Variants in CSF2RA observed in about 807,000 individuals in gnomAD.
The protein encoded by CSF2RA is colony stimulating factor 2 receptor subunit alpha, also known as granulocyte-macrophage colony-stimulating factor receptor subunit alpha.
Under a neutral mutation model 51.6 loss-of-function variants are expected in CSF2RA, and 42 were observed. That is an observed-to-expected ratio of 0.81 (90% CI 0.64 to 1.05). The LOEUF is 1.05. Ranked by LOEUF, CSF2RA falls within the 50% of genes least tolerant of loss-of-function variation. CSF2RA has a pLI of 0.00. For synonymous variants in CSF2RA, 222 were observed against 193.0 expected (o/e 1.15, Z -1.24); for missense variants, 530 against 501.1 (o/e 1.06, Z -0.55).
At chrX:1,312,411 A>G (rs1457009107), downstream of CSF2RA, among the ~76,000 whole-genome samples, 3 of 152,142 alleles carry the variant, frequency 2.0e-5, no homozygotes, top group African/African-American at 7.2e-5. Context: ...TCTGTCTCCC[A>G]CGTGGAATTA....
At chrX:1,316,077 T>TAGATAGATAGATAGATAGATAGAA in the CSF2RA span, among the ~76,000 whole-genome samples, 1 of 151,700 alleles carries the variant, frequency 6.6e-6, no homozygotes, top group Non-Finnish European at 1.5e-5. Context: ...GATAGATAGA[T>TAGATAGATAGATAGATAGATAGAA]AGAATAGATA....
At chrX:1,314,925 C>T (rs1372180160), downstream of CSF2RA, among the ~76,000 whole-genome samples, 12 of 93,310 alleles carry the variant, frequency 1.3e-4, no homozygotes, top group African/African-American at 3.5e-4. Context: ...ACCTGCCCAA[C>T]CGCACTGCAC....
intron 7 of CSF2RA, among the ~76,000 whole-genome samples, chrX:1,292,066 G>A (rs1418645552): frequency 6.9e-6 from 1 of 144,482 alleles, no homozygotes; most frequent in Non-Finnish European, 1.5e-5. Flanking sequence ...ACCTCCACTT[G>A]GACCCAGTGT....
Position 1,295,414 on chromosome X carries a change from G to C in CSF2RA, c.781-13G>C, listed in dbSNP as rs770445371. 1 of 1,613,490 alleles carries C rather than the reference G, an allele frequency of 6.2e-7. No individual in the cohort carries two copies. Among genetic ancestry groups the C allele is most frequent in the Non-Finnish European group, 8.5e-7 (1 of 1,179,566 alleles). ...AACAGTGAGCCTTGTGTTGTGTTTT[G>C]TTTTGTTTCTAGAATACCCAGCCTG... On this transcript the variant is annotated splice_polypyrimidine_tract_variant and intron_variant, in intron 8 of 12. Coordinates refer to ENST00000381529, the MANE Select transcript of CSF2RA (RefSeq NM_172245.4).
intron 11 of CSF2RA, 136 bp from the exon 12 acceptor site, chrX:1,305,310 T>A: frequency 1.0e-6 from 1 of 1,001,878 alleles, no homozygotes; most frequent in Non-Finnish European, 1.6e-6. Flanking sequence ...TTTTCGTCAC[T>A]TGGTGATTCT....
chrX:1,299,130 A>G (rs1483309922), intron 9 of CSF2RA, among the ~76,000 whole-genome samples: 5 of 152,050 alleles, frequency 3.3e-5, no homozygotes, highest in South Asian at 2.1e-4. Flanking sequence ...TCGTGTCCCA[A>G]TGGTTGGAAT....
At chrX:1,303,465 C>A in intron 10 of CSF2RA, 1 of 447,270 alleles carries the variant, frequency 2.2e-6, no homozygotes, top group African/African-American at 2.0e-5. Context: ...GTCTCGAACT[C>A]CTGACCTCAG....
At chrX:1,271,897 G>T (rs1436050761) in intron 1 of CSF2RA, among the ~76,000 whole-genome samples, 1 of 152,044 alleles carries the variant, frequency 6.6e-6, no homozygotes, top group Non-Finnish European at 1.5e-5. Context: ...CTGTAGGTTT[G>T]CTGTAGATGA....
chrX:1,306,173 G>T (rs753424386), intron 12 of CSF2RA, among the ~76,000 whole-genome samples: 1 of 152,002 alleles, frequency 6.6e-6, no homozygotes, highest in South Asian at 2.1e-4. Flanking sequence ...AGGAGAGAGA[G>T]AGGAATGTAG....
At chrX:1,313,910 G>T (rs1364143295), downstream of CSF2RA, among the ~76,000 whole-genome samples, 13 of 152,256 alleles carry the variant, frequency 8.5e-5, no homozygotes, top group African/African-American at 3.1e-4. Context: ...AGAACCGCTT[G>T]AACCTGGGAG....
chrX:1,275,747 A>AT (rs1360057191), intron 2 of CSF2RA, among the ~76,000 whole-genome samples: 1 of 151,344 alleles, frequency 6.6e-6, no homozygotes, highest in African/African-American at 2.4e-5. Flanking sequence ...TTTAGTAGAG[A>AT]AGGGGTTTCA....
intron 2 of CSF2RA, 83 bp from the exon 3 acceptor site, chrX:1,282,595 C>T: frequency 9.7e-7 from 1 of 1,028,160 alleles, no homozygotes; most frequent in South Asian, 1.3e-5. Context: ...GTTTGTTTCC[C>T]CAAATCACCT....
At chrX:1,312,474 G>C (rs1167104309), downstream of CSF2RA, among the ~76,000 whole-genome samples, 1 of 151,860 alleles carries the variant, frequency 6.6e-6, no homozygotes, top group African/African-American at 2.4e-5. Context: ...GAATTAGGAC[G>C]TGGACATATT....
At chrX:1,308,197 C>T (rs1569513163) in intron 12 of CSF2RA, among the ~76,000 whole-genome samples, 1 of 152,102 alleles carries the variant, frequency 6.6e-6, no homozygotes, top group Non-Finnish European at 1.5e-5. Context: ...GCCGCTGAGT[C>T]ATGGTTTCAT....
At chrX:1,312,946 A>G (rs768924678), downstream of CSF2RA, among the ~76,000 whole-genome samples, 1 of 152,210 alleles carries the variant, frequency 6.6e-6, no homozygotes, top group African/African-American at 2.4e-5. Flanking sequence ...CGTCTAAAAC[A>G]CAGCAAGGAA....
intron 9 of CSF2RA, among the ~76,000 whole-genome samples, chrX:1,299,216 G>C (rs1472814520): frequency 6.6e-6 from 1 of 152,132 alleles, no homozygotes; most frequent in Non-Finnish European, 1.5e-5. Context: ...ATATATTCTA[G>C]TGACTGTCTA....
rs2090305455 is a variant in CSF2RA at position 1,283,539 on chromosome X, C to G, written c.76+760C>G. On this transcript the variant is annotated intron_variant, in intron 3 of 12. Coordinates refer to ENST00000381529, the MANE Select transcript of CSF2RA (RefSeq NM_172245.4). ...TCTCCTTCTTTGTTTCTTTCTTCCT[C>G]TTTCTTCTTTCTTTCTTTCTTTCTT... Among the ~76,000 whole-genome samples, 3 of 130,600 alleles carry G rather than the reference C, an allele frequency of 2.3e-5. No homozygotes were observed. In the Admixed American group the frequency reaches 2.6e-4, roughly 11 times the overall value. The allele number at this position is 130,600 out of a possible 152,430, so 85.7% of individuals were successfully genotyped here.
At chrX:1,305,802 C>A in intron 12 of CSF2RA, 1 of 1,548,680 alleles carries the variant, frequency 6.5e-7, no homozygotes, top group Non-Finnish European at 8.7e-7. Context: ...TAGAGAGGGC[C>A]AGGCACGGTG....
downstream of CSF2RA, among the ~76,000 whole-genome samples, chrX:1,310,985 C>T (rs192060840): frequency 3.8e-4 from 58 of 152,046 alleles, 1 homozygote; most frequent in East Asian, 8.0e-3. Flanking sequence ...TGGTGGCTCA[C>T]GCCTGTAATC....
Sources: gnomAD v4.1 joint callset for allele counts (sites outside exome capture counted in the v4.1 genomes callset) on GRCh38, gnomAD v4.1.1 for gene constraint, MANE v1.5 for transcripts, NCBI Gene and HGNC (gene_info 2026-07-23, HGNC 2026-07-21) for gene names.